The following AHI1 variants were observed in gnomAD, a reference collection of about 807,000 sequenced individuals.
AHI1 encodes the protein jouberin.
A neutral mutation model predicts 149.3 loss-of-function variants in AHI1; 123 were observed. That is an observed-to-expected ratio of 0.82 (90% confidence interval 0.71 to 0.96). The LOEUF is 0.96. Among genes scored for constraint, AHI1 ranks in the 40% least tolerant of loss-of-function variants. The pLI, the probability that AHI1 is intolerant of heterozygous loss-of-function variation, is 0.00. For missense variants in AHI1, 1,439 were observed against 1,422.7 expected (o/e 1.01, Z -0.18); for synonymous variants, 475 against 459.8 (o/e 1.03, Z -0.42).
intron 5 of AHI1, among the ~76,000 whole-genome samples, chr6:135,470,575 T>C (rs1791521361): frequency 6.6e-6 from 1 of 152,058 alleles, no homozygotes; most frequent in Admixed American, 6.5e-5. Context: ...CAAATGCCCA[T>C]CAATGATAGA....
chr6:135,324,574 T>TATATATATA (rs1787364418), intron 24 of AHI1, among the ~76,000 whole-genome samples: 1 of 137,582 alleles, frequency 7.3e-6, no homozygotes, highest in African/African-American at 2.9e-5. Flanking sequence ...ATATATATAT[T>TATATATATA]TATAGCATGT....
intron 24 of AHI1, among the ~76,000 whole-genome samples, chr6:135,339,573 T>C (rs755771410): frequency 2.6e-5 from 4 of 152,110 alleles, no homozygotes; most frequent in Non-Finnish European, 4.4e-5. Context: ...CAATAGTAGG[T>C]ATAAACTGGC....
At chr6:135,291,911 T>C (rs1562441730) in intron 27 of AHI1, among the ~76,000 whole-genome samples, 1 of 152,066 alleles carries the variant, frequency 6.6e-6, no homozygotes, top group African/African-American at 2.4e-5. Flanking sequence ...CCAAAGATAA[T>C]ACAGCAGAGA....
chr6:135,319,554 T>C (rs1583691450), intron 25 of AHI1, among the ~76,000 whole-genome samples: 1 of 152,336 alleles, frequency 6.6e-6, no homozygotes, highest in South Asian at 2.1e-4. Context: ...ATATTGAATC[T>C]ATATACAGTG....
chr6:135,324,361 G>C lies in AHI1; in HGVS notation c.3166-1037C>G, dbSNP rs921001453. On this transcript the variant is annotated intron_variant, in intron 24 of 28. Coordinates refer to ENST00000265602, the MANE Select transcript of AHI1 (RefSeq NM_001134831.2). ...AAGAAGAAGAAAAAAATCCCTTATA[G>C]TAGTTAAAGGCAGGAAGACCTCAAT... Among the ~76,000 whole-genome samples, 7 of 151,630 alleles carry C rather than the reference G, an allele frequency of 4.6e-5. No homozygotes were observed. In the East Asian group the frequency reaches 1.2e-3, roughly 25 times the overall value.
At chr6:135,382,479 G>A (rs778421085) in intron 23 of AHI1, among the ~76,000 whole-genome samples, 3 of 152,098 alleles carry the variant, frequency 2.0e-5, no homozygotes. Flanking sequence ...TTCATTTCCA[G>A]AAAACATTAC....
intron 15 of AHI1, among the ~76,000 whole-genome samples, chr6:135,434,485 T>G (rs115591232): frequency 2.0e-5 from 3 of 152,018 alleles, no homozygotes; most frequent in African/African-American, 7.2e-5. Flanking sequence ...CTCAGTTGTT[T>G]GGTAATAAAT....
intron 22 of AHI1, among the ~76,000 whole-genome samples, chr6:135,398,332 C>T (rs905739632): frequency 2.0e-5 from 3 of 151,920 alleles, no homozygotes; most frequent in Non-Finnish European, 4.4e-5. Flanking sequence ...TCTTTACAAG[C>T]CAGGACAGAG....
At chr6:135,408,014 G>A (rs1781047094) in intron 21 of AHI1, among the ~76,000 whole-genome samples, 2 of 150,188 alleles carry the variant, frequency 1.3e-5, no homozygotes, top group Admixed American at 1.3e-4. Flanking sequence ...CAGCCTGGGC[G>A]ACAGAGTGAG....
In AHI1 at chr6:135,385,045, C is replaced by T. The variant is rs1453127544; in HGVS notation, c.3109+9731G>A. ...CAGAGGTTGCAGTGATCCGAGATCGCGCCACTGCACTCCTGCCTGGGCGAC... is the reference window on the plus strand; with the variant it reads ...CAGAGGTTGCAGTGATCCGAGATCGTGCCACTGCACTCCTGCCTGGGCGAC... On this transcript the variant is annotated intron_variant, in intron 23 of 28. Transcript: ENST00000265602. Among the ~76,000 whole-genome samples, 3 of 152,070 alleles carry T rather than the reference C, an allele frequency of 2.0e-5. No individual in the cohort carries two copies. In the East Asian group the frequency reaches 5.8e-4, roughly 29 times the overall value.
chr6:135,405,017 T>C (rs769961157), intron 21 of AHI1, 40 bp from the exon 22 acceptor site: 1 of 1,532,694 alleles, frequency 6.5e-7, no homozygotes, highest in African/African-American at 1.4e-5. Context: ...ATTCATAATT[T>C]CATTAAATAT....
intron 8 of AHI1, among the ~76,000 whole-genome samples, chr6:135,461,907 G>C (rs927941223): frequency 3.3e-5 from 5 of 151,886 alleles, no homozygotes; most frequent in African/African-American, 1.2e-4. Flanking sequence ...TAGATGTCCA[G>C]GTAGTGGTTA....
chr6:135,285,804 A>G (rs1781608991), intron 28 of AHI1, among the ~76,000 whole-genome samples, 157 bp from the exon 29 acceptor site: 1 of 152,228 alleles, frequency 6.6e-6, no homozygotes, highest in Admixed American at 6.5e-5. Context: ...CCAAAATACT[A>G]ATTTCCTATC....
At chr6:135,403,700 TA>T (rs1453331116) in intron 22 of AHI1, among the ~76,000 whole-genome samples, 3 of 152,220 alleles carry the variant, frequency 2.0e-5, no homozygotes, top group Admixed American at 2.0e-4. Flanking sequence ...GAAGGTTTAG[TA>T]ATCTTGGAGC....
intron 24 of AHI1, among the ~76,000 whole-genome samples, chr6:135,331,421 T>C (rs1788571851): frequency 6.6e-6 from 1 of 152,200 alleles, no homozygotes; most frequent in South Asian, 2.1e-4. Context: ...GACACACTAT[T>C]TTCACTCTTT....
At chr6:135,304,808 T>C (rs1020590577) in intron 26 of AHI1, among the ~76,000 whole-genome samples, 7 of 152,180 alleles carry the variant, frequency 4.6e-5, no homozygotes, top group East Asian at 1.9e-4. Flanking sequence ...ATTTGTAGTT[T>C]TGGATACTAA....
intron 23 of AHI1, among the ~76,000 whole-genome samples, chr6:135,361,283 A>G (rs1422406179): frequency 2.0e-5 from 3 of 152,164 alleles, no homozygotes; most frequent in Non-Finnish European, 4.4e-5. Context: ...TATGTTATAA[A>G]CACCACAATA....
At chr6:135,315,731 C>T (rs994874063) in intron 26 of AHI1, among the ~76,000 whole-genome samples, 3 of 152,128 alleles carry the variant, frequency 2.0e-5, no homozygotes, top group Non-Finnish European at 4.4e-5. Flanking sequence ...CCTAAATGAG[C>T]CCCTATTTTC....
At chr6:135,487,005 A>G (rs1794572429) in intron 5 of AHI1, among the ~76,000 whole-genome samples, 1 of 152,124 alleles carries the variant, frequency 6.6e-6, no homozygotes, top group African/African-American at 2.4e-5. Flanking sequence ...CACTCAAGCA[A>G]TTCTCCCACC....
Sources: allele counts gnomAD v4.1 joint callset (sites outside exome capture counted in the v4.1 genomes callset), GRCh38; gene constraint gnomAD v4.1.1; transcripts MANE v1.5; gene names NCBI Gene and HGNC (gene_info 2026-07-23, HGNC 2026-07-21).